The following SIGLEC7 variants were observed in gnomAD, a reference collection of about 807,000 sequenced individuals.
The protein encoded by SIGLEC7 is sialic acid binding Ig like lectin 7, also known as sialic acid-binding Ig-like lectin 7.
SIGLEC7 carries 33 observed loss-of-function variants against 40.8 expected under a neutral mutation model. That is an observed-to-expected ratio of 0.81 (90% CI 0.61 to 1.08). The LOEUF (loss-of-function observed/expected upper bound fraction) is 1.08. Among genes scored for constraint, SIGLEC7 ranks in the 50% least tolerant of loss-of-function variants. SIGLEC7 has a pLI of 0.00. For missense variants in SIGLEC7, 513 were observed against 576.1 expected, an observed-to-expected ratio of 0.89 and a Z score of 1.12; for synonymous variants, 242 against 237.6, an observed-to-expected ratio of 1.02 and a Z score of -0.17.
At position 51,146,821 on chromosome 19, in the gene SIGLEC7, C is replaced by A; in HGVS notation, c.1095C>A (p.Val365=). The change falls in exon 5 of 7, where the codon GTC becomes GTA. Residue 365 remains valine, a synonymous_variant. Transcript: ENST00000317643. The part of the protein sequence containing the change: ...AVGGAGATAL[V]FLSFCVIFIV... ...GGGGAGCTGGAGCCACAGCCCTGGT[C>A]TTCCTCTCCTTCTGTGTCATCTTCA... 1 of 1,614,070 alleles carries A rather than the reference C, an allele frequency of 6.2e-7. No homozygotes were observed. Among genetic ancestry groups the A allele is most frequent in the Non-Finnish European group, 8.5e-7 (1 of 1,179,964 alleles).
At chr19:51,152,373 G>A (rs995051632) in intron 6 of SIGLEC7, among the ~76,000 whole-genome samples, 2 of 152,048 alleles carry the variant, frequency 1.3e-5, no homozygotes, top group Admixed American at 6.5e-5. Flanking sequence ...GCAATGTAAC[G>A]TAACAGATTC....
rs764250222 is a variant in SIGLEC7 at position 51,153,262 on chromosome 19, G to A, written c.*17G>A. On this transcript the variant is annotated 3_prime_UTR_variant, in exon 7 of 7. Transcript: ENST00000317643. The stretch of plus-strand genomic sequence containing the variant: ...CCCAAGTAAGAAAATGCAGAGGCTC[G>A]GGCTTGTTTGAGGGTTCACGACCCC... 5.2e-6 allele frequency: 8 copies of A among 1,534,532 alleles called. No individual in the cohort carries two copies. The Admixed American group carries it at 5.8e-5, about 11-fold the overall frequency.
intron 6 of SIGLEC7, among the ~76,000 whole-genome samples, chr19:51,150,056 C>T (rs933885778): frequency 2.6e-5 from 4 of 152,124 alleles, no homozygotes; most frequent in Admixed American, 6.5e-5. Flanking sequence ...GCTGGGACTA[C>T]GAGGTTTTCT....
intron 2 of SIGLEC7, 36 bp downstream of exon 2, chr19:51,144,720 A>AG (rs763603953): frequency 6.2e-6 from 10 of 1,603,344 alleles, no homozygotes; most frequent in African/African-American, 5.4e-5. Flanking sequence ...GTCCCTGATG[A>AG]GGGGGGGACG....
intron 1 of SIGLEC7, chr19:51,144,018 TC>T: frequency 3.8e-6 from 2 of 530,792 alleles, no homozygotes; most frequent in Non-Finnish European, 7.4e-6. Flanking sequence ...GCCACAAACA[TC>T]CCAAATGGAA....
In SIGLEC7 at chr19:51,153,267, T is replaced by C; in HGVS notation, c.*22T>C. 3.3e-6 allele frequency: 5 copies of C among 1,520,214 alleles called. No homozygotes were observed. Among genetic ancestry groups the C allele is most frequent in the Non-Finnish European group, 4.4e-6 (5 of 1,127,838 alleles). 94.2% of individuals were successfully genotyped at this position (1,520,214 alleles called of 1,614,324 possible). A position where few individuals can be genotyped will look rare whatever the true frequency, so the allele number is the denominator to read the frequency against. ...GTAAGAAAATGCAGAGGCTCGGGCT[T>C]GTTTGAGGGTTCACGACCCCTCCAG... On this transcript the variant is annotated 3_prime_UTR_variant, in exon 7 of 7. Coordinates refer to ENST00000317643, the MANE Select transcript of SIGLEC7 (RefSeq NM_014385.4).
chr19:51,142,738 T>A lies in SIGLEC7; in HGVS notation c.369T>A (p.Phe123Leu). 1 of 1,613,686 alleles carries A rather than the reference T, an allele frequency of 6.2e-7. No homozygotes were observed. ...ARMSDAGRYF[F>L]RMEKGNIKWN... The stretch of plus-strand genomic sequence containing the variant: ...TGAGTGATGCGGGGAGATACTTCTT[T>A]CGTATGGAGAAAGGAAATATAAAAT... Residue 123 changes from phenylalanine (F) to leucine (L), a missense_variant, in exon 1 of 7, where the codon TTT (phenylalanine) becomes TTA (leucine). Transcript: ENST00000317643. The surrounding 1 kb of genome is among the most constrained non-coding windows in gnomAD (Gnocchi z 5.0).
chr19:51,144,720 AG>A (rs763603953), intron 2 of SIGLEC7, 36 bp downstream of exon 2: 9 of 1,603,426 alleles, frequency 5.6e-6, no homozygotes, highest in South Asian at 1.1e-5. Context: ...GTCCCTGATG[AG>A]GGGGGGACGT....
In SIGLEC7 at chr19:51,145,866, C is replaced by A. The variant is rs769277685; in HGVS notation, c.772C>A (p.Leu258Met). The A allele has an allele frequency of 1.3e-5, 21 of 1,614,042 alleles. No individual in the cohort carries two copies. The Admixed American group carries it at 2.3e-4, about 18-fold the overall frequency. Residue 258 changes from leucine to methionine, a missense_variant, in exon 4 of 7, where the codon CTG becomes ATG. Leu to Met is a conservative substitution (Grantham distance 15). Transcript: ENST00000317643. This position sits in a 1 kb window ranked among gnomAD's most constrained non-coding sequence, Gnocchi z 4.3. Reference sequence around the variant, plus strand: ...CTTTTTCTCTACAGCATCCACAGCTCTGGGGAACAGCTCATCTCTTTCAGT... The same window carrying A: ...CTTTTTCTCTACAGCATCCACAGCTATGGGGAACAGCTCATCTCTTTCAGT... ...FQGEGTASTA[L>M]GNSSSLSVLE...
chr19:51,145,015 G>A lies in SIGLEC7; in HGVS notation c.760+56G>A, dbSNP rs1296895692. On this transcript the variant is annotated intron_variant, in intron 3 of 6. Transcript: ENST00000317643. The surrounding 1 kb of genome is among the most constrained non-coding windows in gnomAD (Gnocchi z 4.3). ...GGAGCAGGGCCTTCAGCTCAGGGCA[G>A]GGCCAGGTCCCTCCTCATCCTGGAC... 14 of 1,543,784 alleles carry A rather than the reference G, an allele frequency of 9.1e-6. No individual in the cohort carries two copies. Among genetic ancestry groups the A allele is most frequent in the Non-Finnish European group, 1.2e-5 (13 of 1,116,294 alleles).
chr19:51,143,988 T>A (rs905024956), intron 1 of SIGLEC7: 1 of 496,802 alleles, frequency 2.0e-6, no homozygotes, highest in South Asian at 1.6e-5. Context: ...GGGATCAATA[T>A]ACAATGGAAT....
intron 4 of SIGLEC7, 150 bp downstream of exon 4, chr19:51,146,271 C>T: frequency 9.3e-7 from 1 of 1,077,066 alleles, no homozygotes; most frequent in Non-Finnish European, 1.3e-6. Flanking sequence ...CACTGCTGTC[C>T]TCTTCCTGCC....
In SIGLEC7 at chr19:51,143,666, GC is replaced by G. The variant is rs367983854; in HGVS notation, c.434-735del. On this transcript the variant is annotated intron_variant, in intron 1 of 6. Transcript: ENST00000317643. The stretch of plus-strand genomic sequence containing the variant: ...CCAGCTCCTCTCCAGCCCCTCTCCA[GC>G]CCCCTGTGGGTCCCACAGCCCTGCC... Among the ~76,000 whole-genome samples, 774 of 152,176 alleles carry G rather than the reference GC, an allele frequency of 5.1e-3. 5 individuals are homozygous for G. The highest frequency in any genetic ancestry group is 0.016 in the African/African-American group (658 of 41,512).
intron 5 of SIGLEC7, 169 bp downstream of exon 5, chr19:51,147,019 C>T (rs1031278643): frequency 9.0e-6 from 9 of 994,952 alleles, no homozygotes; most frequent in South Asian, 1.6e-5. Flanking sequence ...TGTGGGGCTC[C>T]ACATCTGTGG....
chr19:51,142,868 C>T lies in SIGLEC7; in HGVS notation c.433+66C>T, dbSNP rs1373519075. ...TGAGGGCTTTAGGGCACGGCTGAGA[C>T]GGGACACATGTCCTGGGAGGGGGCC... On this transcript the variant is annotated intron_variant, in intron 1 of 6. Coordinates refer to ENST00000317643, the MANE Select transcript of SIGLEC7 (RefSeq NM_014385.4). The surrounding 1 kb of genome is among the most constrained non-coding windows in gnomAD (Gnocchi z 5.0). The T allele has an allele frequency of 2.1e-5, 31 of 1,481,656 alleles. No individual in the cohort carries two copies. Among genetic ancestry groups the T allele is most frequent in the South Asian group, 1.0e-4 (8 of 76,234 alleles). 91.8% of individuals were successfully genotyped at this position (1,481,656 alleles called of 1,614,324 possible). A position where few individuals can be genotyped will look rare whatever the true frequency, so the allele number is the denominator to read the frequency against.
At chr19:51,149,058 G>C (rs7248220) in intron 6 of SIGLEC7, among the ~76,000 whole-genome samples, 3,735 of 152,272 alleles carry the variant, frequency 0.025, 116 homozygotes, top group African/African-American at 0.07. Context: ...ATAGATGCTG[G>C]ATATTAGACC....
At chr19:51,148,524 T>C (rs964754977) in intron 6 of SIGLEC7, among the ~76,000 whole-genome samples, 2 of 152,228 alleles carry the variant, frequency 1.3e-5, no homozygotes, top group Non-Finnish European at 2.9e-5. Flanking sequence ...AATCTCATTC[T>C]TTTTTATGGC....
chr19:51,144,722 G>C (rs749210431), intron 2 of SIGLEC7, 38 bp downstream of exon 2: 15 of 1,602,984 alleles, frequency 9.4e-6, no homozygotes, highest in East Asian at 2.2e-5. Flanking sequence ...CCCTGATGAG[G>C]GGGGGACGTC....
intron 6 of SIGLEC7, among the ~76,000 whole-genome samples, chr19:51,150,919 C>G (rs1244396856): frequency 6.6e-6 from 1 of 152,110 alleles, no homozygotes; most frequent in Non-Finnish European, 1.5e-5. Flanking sequence ...CTACTGTGAG[C>G]ATTTGGAGAG....
Sources: gnomAD v4.1 joint callset for allele counts (sites outside exome capture counted in the v4.1 genomes callset) on GRCh38, gnomAD v4.1.1 for gene constraint, Gnocchi (gnomAD v3.1) non-coding constraint, MANE v1.5 for transcripts, NCBI Gene and HGNC (gene_info 2026-07-23, HGNC 2026-07-21) for gene names.